The following SLC35F1 variants were observed in gnomAD, a reference collection of about 807,000 sequenced individuals.
SLC35F1 encodes solute carrier family 35 member F1.
In SLC35F1, 14 loss-of-function variants were observed where a neutral mutation model predicts 48.7. The observed-to-expected ratio is 0.29, with a 90% CI of 0.19 to 0.45. The LOEUF is 0.45. Among genes scored for constraint, SLC35F1 ranks in the 20% least tolerant of loss-of-function variants. SLC35F1 has a pLI of 1.00. For missense variants in SLC35F1, 404 were observed against 500.0 expected (o/e 0.81, Z 1.83); for synonymous variants, 190 against 202.2 (o/e 0.94, Z 0.51).
At chr6:118,313,500 A>C (rs1776394416) in intron 7 of SLC35F1, among the ~76,000 whole-genome samples, 2 of 152,228 alleles carry the variant, frequency 1.3e-5, no homozygotes. Flanking sequence ...CTAATCTTGC[A>C]AAGATATTTA....
At chr6:118,265,820 A>T (rs1215704772) in intron 3 of SLC35F1, among the ~76,000 whole-genome samples, 2 of 152,216 alleles carry the variant, frequency 1.3e-5, no homozygotes, top group African/African-American at 4.8e-5. Flanking sequence ...TCCAGCAAGG[A>T]GATATACTGG....
intron 7 of SLC35F1, among the ~76,000 whole-genome samples, chr6:118,297,266 T>C (rs1776198048): frequency 6.6e-6 from 1 of 152,208 alleles, no homozygotes; most frequent in South Asian, 2.1e-4. Context: ...CTACATTTGC[T>C]GTACCACCAG....
chr6:117,992,261 T>C (rs1293705420), intron 1 of SLC35F1, among the ~76,000 whole-genome samples: 1 of 152,192 alleles, frequency 6.6e-6, no homozygotes, highest in African/African-American at 2.4e-5. Context: ...TATGAGATAT[T>C]TAACATCATT....
chr6:118,071,072 A>ATACACATAGTATATATATT (rs1562280979), intron 1 of SLC35F1, among the ~76,000 whole-genome samples: 72 of 3,930 alleles, frequency 0.018, no homozygotes, highest in Non-Finnish European at 0.026. Flanking sequence ...ACGTATATAT[A>ATACACATAGTATATATATT]CTATGTGTAT....
At chr6:118,005,536 C>T (rs1422091071) in intron 1 of SLC35F1, among the ~76,000 whole-genome samples, 1 of 152,148 alleles carries the variant, frequency 6.6e-6, no homozygotes, top group East Asian at 1.9e-4. Flanking sequence ...GTCTCATCTT[C>T]TCCATGCTGA....
chr6:117,932,321 A>C (rs574722809), intron 1 of SLC35F1, among the ~76,000 whole-genome samples: 6 of 152,320 alleles, frequency 3.9e-5, no homozygotes, highest in African/African-American at 1.2e-4. Context: ...TAAGAAATAC[A>C]TTTCAATTTT....
chr6:117,910,675 G>A (rs1303833327), intron 1 of SLC35F1, among the ~76,000 whole-genome samples: 1 of 152,172 alleles, frequency 6.6e-6, no homozygotes, highest in Non-Finnish European at 1.5e-5. Context: ...GACTGAAATG[G>A]GGGCTGTACC....
chr6:118,123,660 G>A (rs1437345858), intron 1 of SLC35F1, among the ~76,000 whole-genome samples: 3 of 150,398 alleles, frequency 2.0e-5, no homozygotes, highest in African/African-American at 7.3e-5. Context: ...TCTTAAAATG[G>A]TAAACACTTC....
At chr6:118,124,327 A>C (rs1773593523) in intron 1 of SLC35F1, among the ~76,000 whole-genome samples, 1 of 152,176 alleles carries the variant, frequency 6.6e-6, no homozygotes, top group South Asian at 2.1e-4. Context: ...ATTACCCTTT[A>C]GGCTCAAAGG....
intron 2 of SLC35F1, among the ~76,000 whole-genome samples, chr6:118,187,481 G>A (rs1774673683): frequency 6.6e-6 from 1 of 152,150 alleles, no homozygotes; most frequent in Non-Finnish European, 1.5e-5. Context: ...TCACCTTTTG[G>A]TCATGACAAG....
intron 1 of SLC35F1, among the ~76,000 whole-genome samples, chr6:117,993,847 G>T (rs565257920): frequency 6.6e-6 from 1 of 152,122 alleles, no homozygotes. Context: ...CCAGCTCTGG[G>T]GCAAGTCCAA....
intron 3 of SLC35F1, among the ~76,000 whole-genome samples, chr6:118,249,544 A>G (rs879820348): frequency 6.6e-6 from 1 of 152,256 alleles, no homozygotes; most frequent in Non-Finnish European, 1.5e-5. Context: ...ATGTAAAAAA[A>G]GAAAAAGAAA....
At chr6:118,250,919 C>G (rs759316676) in intron 3 of SLC35F1, among the ~76,000 whole-genome samples, 1 of 151,744 alleles carries the variant, frequency 6.6e-6, no homozygotes, top group Non-Finnish European at 1.5e-5. Context: ...GAGCCGAGAT[C>G]GTGCCACTAC....
chr6:118,291,012 C>G (rs752995841), intron 7 of SLC35F1, among the ~76,000 whole-genome samples: 5 of 152,068 alleles, frequency 3.3e-5, no homozygotes, highest in Non-Finnish European at 5.9e-5. Context: ...CCAGCCTGGT[C>G]TCGACCTCCT....
chr6:117,943,954 C>G (rs111430019), intron 1 of SLC35F1, among the ~76,000 whole-genome samples: 2,506 of 152,262 alleles, frequency 0.016, 61 homozygotes, highest in African/African-American at 0.054. Context: ...CTGGCAACAA[C>G]ACTTCCATGA....
At chr6:118,139,081 A>T (rs2114438175) in intron 1 of SLC35F1, among the ~76,000 whole-genome samples, 1 of 152,248 alleles carries the variant, frequency 6.6e-6, no homozygotes, top group Non-Finnish European at 1.5e-5. Context: ...TTAGGGCGTC[A>T]AGGGAACCAA....
intron 6 of SLC35F1, among the ~76,000 whole-genome samples, chr6:118,278,480 G>A (rs1241080038): frequency 1.3e-5 from 2 of 152,130 alleles, no homozygotes; most frequent in African/African-American, 4.8e-5. Flanking sequence ...CATCCCCTAA[G>A]CATATGAGGC....
In SLC35F1 at chr6:118,043,811, G is replaced by A. The variant is rs146277187; in HGVS notation, c.174-110634G>A. ...TGCCAGACAGGCAGTGTGAAGAAAT[G>A]TTCTAAAGTTTTTGCTCAGATCTAC... is the stretch of plus-strand genomic sequence containing the variant. On this transcript the variant is annotated intron_variant, in intron 1 of 7. Transcript: ENST00000360388. Among the ~76,000 whole-genome samples the A allele has an allele frequency of 5.1e-3, 769 of 152,258 alleles. 3 individuals carry two copies. Among genetic ancestry groups the A allele is most frequent in the Middle Eastern group, 0.017 (5 of 294 alleles).
chr6:117,989,936 A>G (rs888928179), intron 1 of SLC35F1, among the ~76,000 whole-genome samples: 5 of 152,208 alleles, frequency 3.3e-5, no homozygotes, highest in African/African-American at 1.2e-4. Flanking sequence ...GTAATTTTGC[A>G]CTATGAATAA....
Sources: gnomAD v4.1 joint callset for allele counts (sites outside exome capture counted in the v4.1 genomes callset) on GRCh38, gnomAD v4.1.1 for gene constraint, MANE v1.5 for transcripts, NCBI Gene and HGNC (gene_info 2026-07-23, HGNC 2026-07-21) for gene names.